The following CHRM5 variants were observed in gnomAD, a reference collection of about 807,000 sequenced individuals.
The protein encoded by CHRM5 is muscarinic acetylcholine receptor M5.
In CHRM5, 18 loss-of-function variants were observed where a neutral mutation model predicts 39.0. That is an observed-to-expected ratio of 0.46 (90% CI 0.32 to 0.68). The LOEUF is 0.68. Among genes scored for constraint, CHRM5 ranks in the 30% least tolerant of loss-of-function variants. CHRM5 has a pLI of 0.04. For synonymous variants in CHRM5, 241 were observed against 246.3 expected, an observed-to-expected ratio of 0.98 and a Z score of 0.20; for missense variants, 515 against 651.1, an observed-to-expected ratio of 0.79 and a Z score of 2.28.
At chr15:34,013,033 T>C (rs1897700761) in intron 1 of CHRM5, among the ~76,000 whole-genome samples, 1 of 152,052 alleles carries the variant, frequency 6.6e-6, no homozygotes, top group South Asian at 2.1e-4. Flanking sequence ...ACCTGACCAG[T>C]GTCTCCTCCT....
intron 1 of CHRM5, among the ~76,000 whole-genome samples, chr15:33,975,855 G>A (rs1022679792): frequency 4.6e-5 from 7 of 152,250 alleles, no homozygotes; most frequent in Admixed American, 1.3e-4. Flanking sequence ...CCTTGAACCC[G>A]GGCAGCGGAG....
At chr15:34,062,399 C>G (rs1200768941) in intron 2 of CHRM5, among the ~76,000 whole-genome samples, 2 of 151,656 alleles carry the variant, frequency 1.3e-5, no homozygotes, top group African/African-American at 4.8e-5. Flanking sequence ...ACTAAAAATA[C>G]AAAAAAATAG....
intron 2 of CHRM5, among the ~76,000 whole-genome samples, chr15:34,056,710 G>A (rs944245283): frequency 1.3e-5 from 2 of 152,076 alleles, no homozygotes; most frequent in Non-Finnish European, 2.9e-5. Context: ...TATGTTCCTA[G>A]AGGTAGAGCG....
chr15:34,040,423 C>T (rs1014105836), intron 1 of CHRM5, among the ~76,000 whole-genome samples: 3 of 152,140 alleles, frequency 2.0e-5, no homozygotes, highest in Non-Finnish European at 2.9e-5. Context: ...GGGCGCCTTC[C>T]AGACAGGGGG....
rs1348141577 is a variant in CHRM5, at chr15:34,063,040, CA to C, written c.324del (p.Leu109TrpfsTer11). ...AGTCTGGCTTGTGACCTTTGGCTTG[CA>C]CTGGACTACGTGGCCAGCAACGCTT... ...LGSLACDLWL[A>X]LDYVASNASV... On this transcript the variant is annotated frameshift_variant, in exon 3 of 3. Coordinates refer to ENST00000383263, the MANE Select transcript of CHRM5 (RefSeq NM_012125.4). LOFTEE classifies it high-confidence loss of function. The surrounding 1 kb of genome is among the most constrained non-coding windows in gnomAD (Gnocchi z 4.1). 6.2e-7 allele frequency: 1 copy of C among 1,614,248 alleles called. No individual in the cohort carries two copies.
intron 1 of CHRM5, among the ~76,000 whole-genome samples, chr15:33,975,242 A>T (rs1895834676): frequency 6.6e-6 from 1 of 152,190 alleles, no homozygotes. Flanking sequence ...ATTCACAAAG[A>T]TATTCTTCTC....
intron 1 of CHRM5, among the ~76,000 whole-genome samples, chr15:33,997,764 C>A (rs146853555): frequency 2.0e-3 from 303 of 152,274 alleles, no homozygotes; most frequent in African/African-American, 6.9e-3. Flanking sequence ...TTCCCTCTCT[C>A]ATTTCATTGC....
At chr15:34,021,339 A>G (rs2140716759) in intron 1 of CHRM5, among the ~76,000 whole-genome samples, 1 of 151,696 alleles carries the variant, frequency 6.6e-6, no homozygotes. Context: ...AGACTGGAGT[A>G]CAATGGCGCC....
At chr15:33,984,239 C>G (rs904015108) in intron 1 of CHRM5, among the ~76,000 whole-genome samples, 3 of 152,066 alleles carry the variant, frequency 2.0e-5, no homozygotes, top group African/African-American at 7.2e-5. Flanking sequence ...CGGAAATTCA[C>G]TGTATTATCT....
chr15:34,026,159 T>A (rs751214429), intron 1 of CHRM5, among the ~76,000 whole-genome samples: 1 of 152,214 alleles, frequency 6.6e-6, no homozygotes, highest in African/African-American at 2.4e-5. Flanking sequence ...TGCATACATA[T>A]ACCTTATAAT....
At chr15:34,051,667 G>C (rs1199869447) in intron 2 of CHRM5, among the ~76,000 whole-genome samples, 1 of 152,008 alleles carries the variant, frequency 6.6e-6, no homozygotes. Flanking sequence ...AATCACCATT[G>C]ACCCCACAGA....
rs1900396881 is a variant in CHRM5 at position 34,062,949 on chromosome 15, A to G, written c.232A>G (p.Ile78Val). 2 of 1,613,306 alleles carry G rather than the reference A, an allele frequency of 1.2e-6. No individual in the cohort carries two copies. Among genetic ancestry groups the G allele is most frequent in the South Asian group, 1.1e-5 (1 of 91,048 alleles). The change falls in exon 3 of 3, where the codon ATC becomes GTC. Residue 78 changes from isoleucine to valine, a missense_variant. Transcript: ENST00000383263. ...GCTCAGCTTAGCCTGTGCAGATCTC[A>G]TCATTGGAATCTTCTCCATGAACCT... is the stretch of plus-strand genomic sequence containing the variant. ...YLLSLACADL[I>V]IGIFSMNLYT...
Position 34,031,690 on chromosome 15 carries a change from G to A in CHRM5, c.-407-14850G>A, listed in dbSNP as rs75648611. ...CACACACCAATGATGTGATATGGGC[G>A]GTAGGAAACAGCATCCTTGGCAGTG... On this transcript the variant is annotated intron_variant, in intron 1 of 2. Transcript: ENST00000383263. Among the ~76,000 whole-genome samples the A allele has an allele frequency of 7.5e-3, 1,134 of 152,178 alleles. 12 individuals are homozygous for A. Among genetic ancestry groups the A allele is most frequent in the African/African-American group, 0.026 (1,083 of 41,496 alleles).
At chr15:33,973,099 A>G (rs1895709722) in intron 1 of CHRM5, among the ~76,000 whole-genome samples, 2 of 152,278 alleles carry the variant, frequency 1.3e-5, no homozygotes, top group South Asian at 2.1e-4. Context: ...TAGTGAAATA[A>G]CTCAAGAATC....
chr15:33,987,517 G>T (rs981516257), intron 1 of CHRM5, among the ~76,000 whole-genome samples: 9 of 152,112 alleles, frequency 5.9e-5, no homozygotes, highest in Non-Finnish European at 8.8e-5. Context: ...CTCCTCCCCA[G>T]CTGCAGCCTC....
intron 1 of CHRM5, among the ~76,000 whole-genome samples, chr15:34,017,608 T>C (rs1169175412): frequency 6.6e-6 from 1 of 151,150 alleles, no homozygotes; most frequent in Non-Finnish European, 1.5e-5. Context: ...GTCTCTCAAG[T>C]AGCTGTGACT....
intron 1 of CHRM5, among the ~76,000 whole-genome samples, chr15:34,009,092 T>C (rs1223546196): frequency 6.6e-6 from 1 of 151,568 alleles, no homozygotes; most frequent in African/African-American, 2.4e-5. Flanking sequence ...CAGAAGGCAA[T>C]AATATAACAT....
chr15:33,979,608 C>T (rs1371617295), intron 1 of CHRM5, among the ~76,000 whole-genome samples: 1 of 152,208 alleles, frequency 6.6e-6, no homozygotes, highest in Middle Eastern at 3.2e-3. Flanking sequence ...TTATGAGCCT[C>T]GGTTTCCTCC....
At chr15:34,058,233 G>A (rs923554283) in intron 2 of CHRM5, among the ~76,000 whole-genome samples, 2 of 152,008 alleles carry the variant, frequency 1.3e-5, no homozygotes, top group East Asian at 1.9e-4. Flanking sequence ...AAATACCTTC[G>A]CAGCAATATC....
Sources: gnomAD v4.1 joint callset for allele counts (sites outside exome capture counted in the v4.1 genomes callset) on GRCh38, gnomAD v4.1.1 for gene constraint, Gnocchi (gnomAD v3.1) non-coding constraint, MANE v1.5 for transcripts, NCBI Gene and HGNC (gene_info 2026-07-23, HGNC 2026-07-21) for gene names.